The following LTBP1 variants were observed in gnomAD, a reference collection of about 807,000 sequenced individuals.
LTBP1 encodes latent-transforming growth factor beta-binding protein 1.
Under a neutral mutation model 207.6 loss-of-function variants are expected in LTBP1, and 129 were observed. The observed-to-expected ratio is 0.62, with a 90% CI of 0.54 to 0.72. LTBP1 has a LOEUF of 0.72. Ranked by LOEUF, LTBP1 falls within the 30% of genes least tolerant of loss-of-function variation. The pLI, the probability that LTBP1 is intolerant of heterozygous loss-of-function variation, is 0.00. For synonymous variants in LTBP1, 963 were observed against 833.7 expected, an observed-to-expected ratio of 1.16 and a Z score of -2.67; for missense variants, 2,281 against 2,217.2, an observed-to-expected ratio of 1.03 and a Z score of -0.58.
chr2:33,390,974 C>G (rs1305733238), intron 32 of LTBP1, among the ~76,000 whole-genome samples: 1 of 151,960 alleles, frequency 6.6e-6, no homozygotes, highest in African/African-American at 2.4e-5. Flanking sequence ...TATTTCAGTT[C>G]TGCATCAAGA....
At chr2:33,369,975 G>A (rs935101607) in intron 31 of LTBP1, among the ~76,000 whole-genome samples, 3 of 152,252 alleles carry the variant, frequency 2.0e-5, no homozygotes, top group African/African-American at 7.2e-5. Context: ...ATCAGGGTTA[G>A]CACATGTGCC....
chr2:33,280,010 G>A (rs1342761758), intron 18 of LTBP1, 29 bp from the exon 19 acceptor site: 2 of 1,611,378 alleles, frequency 1.2e-6, no homozygotes, highest in African/African-American at 2.7e-5. Flanking sequence ...CTGATAAAAT[G>A]TTCACGACCT....
intron 5 of LTBP1, among the ~76,000 whole-genome samples, chr2:33,180,056 C>G (rs1486780296): frequency 3.3e-5 from 5 of 152,198 alleles, no homozygotes; most frequent in Non-Finnish European, 7.3e-5. Flanking sequence ...ATTTGTTCTT[C>G]TGTAAACACT....
intron 18 of LTBP1, among the ~76,000 whole-genome samples, chr2:33,276,862 G>A (rs1017610252): frequency 8.5e-5 from 13 of 152,268 alleles, no homozygotes; most frequent in African/African-American, 3.1e-4. Context: ...AAAAAACAAA[G>A]CAAAACAAAA....
chr2:33,200,422 T>C (rs1354173491), intron 7 of LTBP1, among the ~76,000 whole-genome samples: 1 of 152,206 alleles, frequency 6.6e-6, no homozygotes, highest in Non-Finnish European at 1.5e-5. Flanking sequence ...TGGCTAGCCA[T>C]ATGTAGAAAG....
intron 3 of LTBP1, among the ~76,000 whole-genome samples, chr2:33,050,624 A>C (rs570005428): frequency 9.0e-4 from 137 of 152,204 alleles, no homozygotes; most frequent in Middle Eastern, 3.4e-3. Context: ...TTGAAGTATT[A>C]CTCTGCTACA....
intron 3 of LTBP1, among the ~76,000 whole-genome samples, chr2:33,034,288 A>T (rs2075819341): frequency 6.6e-6 from 1 of 152,084 alleles, no homozygotes; most frequent in South Asian, 2.1e-4. Context: ...ATAAGTGCAA[A>T]TGAAAAAGAA....
intron 9 of LTBP1, among the ~76,000 whole-genome samples, chr2:33,227,780 A>C (rs2091525528): frequency 1.6e-5 from 2 of 124,244 alleles, no homozygotes; most frequent in African/African-American, 5.9e-5. Flanking sequence ...TTCATTTGTT[A>C]TTGATGAGAT....
At chr2:33,147,502 A>G (rs76644395) in intron 5 of LTBP1, among the ~76,000 whole-genome samples, 2,265 of 152,346 alleles carry the variant, frequency 0.015, 23 homozygotes, top group East Asian at 0.027. Context: ...TATGTCATCA[A>G]TTAATGATGT....
chr2:33,167,029 G>A (rs984673283), intron 5 of LTBP1, among the ~76,000 whole-genome samples: 1 of 152,064 alleles, frequency 6.6e-6, no homozygotes, highest in Non-Finnish European at 1.5e-5. Context: ...CTACTCCGGG[G>A]TTGACCCTAC....
chr2:32,965,534 A>C (rs115329351), intron 2 of LTBP1, among the ~76,000 whole-genome samples: 2 of 152,062 alleles, frequency 1.3e-5, no homozygotes, highest in African/African-American at 4.8e-5. Flanking sequence ...CTGTCTCCAT[A>C]GTTTTGCCTC....
intron 31 of LTBP1, among the ~76,000 whole-genome samples, chr2:33,380,618 A>G (rs1340103703): frequency 6.6e-6 from 1 of 152,180 alleles, no homozygotes; most frequent in Admixed American, 6.6e-5. Context: ...TATGCAAGCT[A>G]GAAAGGACCT....
chr2:33,156,189 C>G (rs1201492230), intron 5 of LTBP1, among the ~76,000 whole-genome samples: 2 of 152,144 alleles, frequency 1.3e-5, no homozygotes, highest in Admixed American at 1.3e-4. Flanking sequence ...AGTCACTTGG[C>G]CAAGACCACA....
intron 10 of LTBP1, 139 bp downstream of exon 10, chr2:33,243,923 G>A: frequency 2.2e-6 from 2 of 902,584 alleles, no homozygotes; most frequent in Non-Finnish European, 3.3e-6. Context: ...ACAAGCAAGG[G>A]GCCTGCCTGA....
chr2:33,191,650 C>T (rs1363112322), intron 7 of LTBP1, among the ~76,000 whole-genome samples: 4 of 152,278 alleles, frequency 2.6e-5, no homozygotes, highest in East Asian at 3.9e-4. Context: ...TTTGTGCTTT[C>T]TTGCTGTGGT....
At chr2:33,008,949 G>A (rs140513682) in intron 2 of LTBP1, among the ~76,000 whole-genome samples, 8 of 152,348 alleles carry the variant, frequency 5.3e-5, no homozygotes, top group African/African-American at 1.9e-4. Flanking sequence ...CAGCAAGCAA[G>A]CCAGGGTGAC....
At chr2:32,980,835 T>G (rs934780595) in intron 2 of LTBP1, among the ~76,000 whole-genome samples, 1 of 152,194 alleles carries the variant, frequency 6.6e-6, no homozygotes, top group African/African-American at 2.4e-5. Flanking sequence ...TGAAGGATAT[T>G]TTTGCCATAG....
Position 33,110,588 on chromosome 2 carries a change from T to G in LTBP1, c.870T>G (p.Thr290=). The part of the protein sequence containing the change: ...GLPQQIHSQV[T]PLSSQSVVIH... ...TTATTTTGTTTCTTCCCAGAGTGAC[T>G]CCTCTTTCTTCCCAGAGTGTGGTGA... The change falls in exon 4 of 34, where the codon ACT becomes ACG. Residue 290 remains threonine, a synonymous_variant. Transcript: ENST00000404816. The G allele has an allele frequency of 6.2e-7, 1 of 1,612,942 alleles. No homozygotes were observed. The highest frequency in any genetic ancestry group is 1.1e-5 in the South Asian group (1 of 90,792).
At chr2:33,343,550 C>T (rs1258949850) in intron 25 of LTBP1, among the ~76,000 whole-genome samples, 2 of 152,120 alleles carry the variant, frequency 1.3e-5, no homozygotes, top group African/African-American at 4.8e-5. Flanking sequence ...CTCTAGACTC[C>T]CTTCAGCACA....
Sources: allele counts gnomAD v4.1 joint callset (sites outside exome capture counted in the v4.1 genomes callset), GRCh38; gene constraint gnomAD v4.1.1; transcripts MANE v1.5; gene names NCBI Gene and HGNC (gene_info 2026-07-23, HGNC 2026-07-21).